Variants in CNGB3 observed in about 807,000 individuals in gnomAD.
CNGB3 encodes cyclic nucleotide gated channel subunit beta 3, also known as cyclic nucleotide-gated channel beta-3.
CNGB3 carries 86 observed loss-of-function variants against 92.8 expected under a neutral mutation model. The ratio of observed to expected loss-of-function variants is 0.93; its 90% CI spans 0.78 to 1.11. The LOEUF (loss-of-function observed/expected upper bound fraction) is 1.11, where lower values mean the gene tolerates loss of function less well. CNGB3 is among the 50% of genes least tolerant of loss of function. The probability of loss-of-function intolerance (pLI) is 0.00; values close to 1 mark genes in which losing one functional copy is unlikely to be tolerated. For synonymous variants in CNGB3, 333 were observed against 332.7 expected (o/e 1.00, Z -0.01); for missense variants, 1,026 against 956.8 (o/e 1.07, Z -0.95).
At chr8:86,691,639 C>G (rs955356173) in intron 3 of CNGB3, among the ~76,000 whole-genome samples, 2 of 152,036 alleles carry the variant, frequency 1.3e-5, no homozygotes, top group Non-Finnish European at 2.9e-5. Context: ...GTTAATCTTG[C>G]TAATGCTGTA....
At chr8:86,709,077 T>A (rs1046839105) in intron 3 of CNGB3, among the ~76,000 whole-genome samples, 1 of 152,150 alleles carries the variant, frequency 6.6e-6, no homozygotes, top group Non-Finnish European at 1.5e-5. Context: ...CTTATAGAAA[T>A]GATCCAACAA....
intron 13 of CNGB3, among the ~76,000 whole-genome samples, chr8:86,619,727 C>T (rs1822688931): frequency 1.3e-5 from 1 of 76,628 alleles, no homozygotes; most frequent in African/African-American, 5.3e-5. Context: ...TTGGTCTTGA[C>T]CTTTTTTTTT....
At chr8:86,633,938 T>C (rs1245357713) in intron 10 of CNGB3, among the ~76,000 whole-genome samples, 1 of 152,174 alleles carries the variant, frequency 6.6e-6, no homozygotes, top group Non-Finnish European at 1.5e-5. Flanking sequence ...TTACTGTTGA[T>C]TGTAATGGGC....
chr8:86,685,163 C>T (rs36032916), intron 3 of CNGB3, among the ~76,000 whole-genome samples: 13,676 of 152,092 alleles, frequency 0.09, 676 homozygotes, highest in East Asian at 0.13. Flanking sequence ...TTATTTCTTA[C>T]AACTGCATGC....
At chr8:86,692,417 T>C (rs550550627) in intron 3 of CNGB3, among the ~76,000 whole-genome samples, 1 of 152,330 alleles carries the variant, frequency 6.6e-6, no homozygotes, top group East Asian at 1.9e-4. Flanking sequence ...CAGTGTTAAG[T>C]ACATATATAT....
chr8:86,637,244 C>A (rs957050317), intron 10 of CNGB3, among the ~76,000 whole-genome samples: 1 of 152,172 alleles, frequency 6.6e-6, no homozygotes, highest in South Asian at 2.1e-4. Flanking sequence ...ATATCCTTAG[C>A]ACCCTTGGAC....
chr8:86,694,758 C>T (rs894323006), intron 3 of CNGB3, among the ~76,000 whole-genome samples: 72 of 151,660 alleles, frequency 4.7e-4, no homozygotes, highest in African/African-American at 1.4e-3. Context: ...GGGGAAGAGG[C>T]GCTCCTCACT....
chr8:86,582,155 A>G (rs1115540), intron 15 of CNGB3, among the ~76,000 whole-genome samples: 95,036 of 151,868 alleles, frequency 0.63, 30,522 homozygotes, highest in Admixed American at 0.71. Context: ...AGCACTTTGG[A>G]AGGCTGAGAT....
chr8:86,659,021 C>T, intron 6 of CNGB3: 1 of 1,016,940 alleles, frequency 9.8e-7, no homozygotes, highest in Non-Finnish European at 1.5e-6. Flanking sequence ...TCCGCAGGTG[C>T]TCGGCCTCCA....
At position 86,694,395 on chromosome 8, in the gene CNGB3, G is replaced by A. The variant is rs544942115; in HGVS notation, c.339-23297C>T. Among the ~76,000 whole-genome samples the A allele has an allele frequency of 3.4e-4, 52 of 150,808 alleles. 1 individual carries two copies. The South Asian group carries it at 4.2e-3, about 12-fold the overall frequency. ...TCCCGGACGGGGTGGCTGGCCTGGC[G>A]GGGGCTGACCCCCACCTCCCTCCCG... is the stretch of plus-strand genomic sequence containing the variant. On this transcript the variant is annotated intron_variant, in intron 3 of 17. Coordinates refer to ENST00000320005, the MANE Select transcript of CNGB3 (RefSeq NM_019098.5).
intron 3 of CNGB3, among the ~76,000 whole-genome samples, chr8:86,694,235 C>G (rs1230151430): frequency 2.1e-5 from 3 of 140,454 alleles, no homozygotes; most frequent in Non-Finnish European, 4.6e-5. Flanking sequence ...CTGACCCCCC[C>G]ACCTCCCTCC....
intron 4 of CNGB3, among the ~76,000 whole-genome samples, chr8:86,668,693 CA>C (rs11286058): frequency 0.64 from 87,534 of 137,104 alleles, 26,298 homozygotes; most frequent in Middle Eastern, 0.74. Flanking sequence ...TAAATTTTTA[CA>C]AAAAAAAAAA....
At chr8:86,743,396 G>T in intron 1 of CNGB3, 103 bp downstream of exon 1, 1 of 1,364,500 alleles carries the variant, frequency 7.3e-7, no homozygotes, top group Non-Finnish European at 1.0e-6. Flanking sequence ...GATGGTGCCA[G>T]GTAAAACTAC....
At chr8:86,581,908 A>G (rs1233833298) in intron 15 of CNGB3, among the ~76,000 whole-genome samples, 2 of 152,174 alleles carry the variant, frequency 1.3e-5, no homozygotes, top group African/African-American at 2.4e-5. Context: ...TGTTAAACAC[A>G]GCCCGAGTCC....
intron 3 of CNGB3, among the ~76,000 whole-genome samples, chr8:86,684,273 T>C (rs558779564): frequency 6.6e-6 from 1 of 152,210 alleles, no homozygotes; most frequent in Non-Finnish European, 1.5e-5. Flanking sequence ...TATTGGGAAA[T>C]GCAAATTATA....
At chr8:86,665,408 C>T (rs1303467809) in intron 6 of CNGB3, among the ~76,000 whole-genome samples, 3 of 152,154 alleles carry the variant, frequency 2.0e-5, no homozygotes, top group African/African-American at 7.2e-5. Flanking sequence ...CCAGCAATCC[C>T]ATTACTGGGT....
intron 3 of CNGB3, among the ~76,000 whole-genome samples, chr8:86,717,322 G>A (rs1215913146): frequency 6.6e-6 from 1 of 152,146 alleles, no homozygotes; most frequent in Non-Finnish European, 1.5e-5. Flanking sequence ...AGCACTTTGA[G>A]AGGCCAAGGC....
chr8:86,614,393 C>T (rs1235628661), intron 13 of CNGB3, among the ~76,000 whole-genome samples: 1 of 152,094 alleles, frequency 6.6e-6, no homozygotes, highest in Non-Finnish European at 1.5e-5. Flanking sequence ...TAGAACTTCC[C>T]CTGGGAAACC....
chr8:86,739,687 A>G lies in CNGB3; in HGVS notation c.179T>C (p.Val60Ala). Residue 60 changes from valine (V) to alanine (A), a missense_variant, in exon 2 of 18, where the codon GTC becomes GCC. By Grantham distance (64) the Val-to-Ala change is moderately conservative. Coordinates refer to ENST00000320005, the MANE Select transcript of CNGB3 (RefSeq NM_019098.5). Reference sequence around the variant, plus strand: ...GTTGGTGTGTGGCTCTTCAGACGTGACTGGAGTTGACTTGGTTTTGAGAGA... The same window carrying G: ...GTTGGTGTGTGGCTCTTCAGACGTGGCTGGAGTTGACTTGGTTTTGAGAGA... ...EKSLKTKSTP[V>A]TSEEPHTNIQ... 6.2e-6 allele frequency: 10 copies of G among 1,606,510 alleles called. No homozygotes were observed. The highest frequency in any genetic ancestry group is 8.5e-6 in the Non-Finnish European group (10 of 1,178,992).
Sources: allele counts gnomAD v4.1 joint callset (sites outside exome capture counted in the v4.1 genomes callset), GRCh38; gene constraint gnomAD v4.1.1; transcripts MANE v1.5; gene names NCBI Gene and HGNC (gene_info 2026-07-23, HGNC 2026-07-21).